Variants in RNF180 observed in about 807,000 individuals in gnomAD.
RNF180 encodes ring finger protein 180, also known as E3 ubiquitin-protein ligase RNF180.
In RNF180, 38 loss-of-function variants were observed where a neutral mutation model predicts 59.2. The ratio of observed to expected loss-of-function variants is 0.64; its 90% CI spans 0.50 to 0.84. The LOEUF (loss-of-function observed/expected upper bound fraction) is 0.84. RNF180 is among the 40% of genes least tolerant of loss of function. The pLI is 0.00. For synonymous variants in RNF180, 262 were observed against 240.3 expected (o/e 1.09, Z -0.84); for missense variants, 705 against 700.9 (o/e 1.01, Z -0.07).
At chr5:64,214,585 A>G in intron 4 of RNF180, 68 bp downstream of exon 4, 2 of 1,358,546 alleles carry the variant, frequency 1.5e-6, no homozygotes, top group Admixed American at 2.1e-5. Context: ...GAGTGGAGCT[A>G]ACTTTCAACA....
intron 1 of RNF180, among the ~76,000 whole-genome samples, chr5:64,189,591 T>C (rs1751036667): frequency 1.3e-5 from 2 of 152,188 alleles, no homozygotes; most frequent in Admixed American, 1.3e-4. Context: ...AAGCGAAGTG[T>C]TGAAGATGTG....
intron 1 of RNF180, among the ~76,000 whole-genome samples, chr5:64,182,928 A>T (rs143852915): frequency 1.1e-3 from 163 of 152,310 alleles, no homozygotes; most frequent in Middle Eastern, 0.01. Flanking sequence ...GGTGATCAAG[A>T]CTGAATATAG....
chr5:64,167,948 T>G (rs1233002870), intron 1 of RNF180, among the ~76,000 whole-genome samples: 1 of 152,196 alleles, frequency 6.6e-6, no homozygotes, highest in African/African-American at 2.4e-5. Flanking sequence ...AGAAAGCAGC[T>G]TTGTAACTTT....
chr5:64,209,038 C>G (rs1752170330), intron 2 of RNF180, among the ~76,000 whole-genome samples: 1 of 151,904 alleles, frequency 6.6e-6, no homozygotes, highest in African/African-American at 2.4e-5. Context: ...AAAGCATACA[C>G]AGGCTAGAGA....
At chr5:64,230,625 C>T (rs1742042664) in intron 5 of RNF180, among the ~76,000 whole-genome samples, 1 of 152,188 alleles carries the variant, frequency 6.6e-6, no homozygotes, top group African/African-American at 2.4e-5. Flanking sequence ...GCCTTAATTC[C>T]ATTTGCAATC....
At chr5:64,211,779 T>A (rs367623496) in intron 2 of RNF180, among the ~76,000 whole-genome samples, 1 of 152,216 alleles carries the variant, frequency 6.6e-6, no homozygotes, top group African/African-American at 2.4e-5. Flanking sequence ...AGACACTAGA[T>A]GTGTTCATTC....
intron 1 of RNF180, among the ~76,000 whole-genome samples, chr5:64,192,913 A>ATATATATATG (rs1751247340): frequency 1.1e-5 from 1 of 89,246 alleles, no homozygotes; most frequent in African/African-American, 6.1e-5. Flanking sequence ...GTATATATAT[A>ATATATATATG]TATATATATA....
intron 7 of RNF180, among the ~76,000 whole-genome samples, chr5:64,351,365 T>C (rs919135309): frequency 2.6e-5 from 4 of 152,156 alleles, no homozygotes. Context: ...ACAATTTGAC[T>C]TCCTCTTTTC....
At position 64,181,383 on chromosome 5, in the gene RNF180, A is replaced by G. The variant is rs184458640; in HGVS notation, c.-1+15430A>G. Among the ~76,000 whole-genome samples, 7 of 152,306 alleles carry G rather than the reference A, an allele frequency of 4.6e-5. No individual in the cohort carries two copies. In the East Asian group the frequency reaches 1.4e-3, roughly 29 times the overall value. On this transcript the variant is annotated intron_variant, in intron 1 of 7. Coordinates refer to ENST00000389100, the MANE Select transcript of RNF180 (RefSeq NM_001113561.2). ...GAAGTTAAAATTTTATCAGTGTTTC[A>G]CTTTGCCATTTTATCCTACTCTGAC...
Position 64,255,613 on chromosome 5 carries a change from G to T in RNF180, c.1227+38217G>T, listed in dbSNP as rs528506196. 2.6e-5 allele frequency among the ~76,000 whole-genome samples: 4 copies of T among 152,228 alleles called. No homozygotes were observed. The East Asian group carries it at 7.7e-4, about 29-fold the overall frequency. ...CCAATCTATCATTGTTGGACATTTGGGTTGGTTCCAAGTCTTTGCTATTGT... is the reference window on the plus strand; with the variant it reads ...CCAATCTATCATTGTTGGACATTTGTGTTGGTTCCAAGTCTTTGCTATTGT... On this transcript the variant is annotated intron_variant, in intron 5 of 7. Transcript: ENST00000389100.
At chr5:64,247,896 C>T (rs545860531) in intron 5 of RNF180, among the ~76,000 whole-genome samples, 2 of 152,074 alleles carry the variant, frequency 1.3e-5, no homozygotes, top group African/African-American at 2.4e-5. Flanking sequence ...GCATGGTACT[C>T]GTACCAAAAC....
intron 5 of RNF180, among the ~76,000 whole-genome samples, chr5:64,253,126 G>A (rs1743693645): frequency 6.6e-6 from 1 of 152,114 alleles, no homozygotes; most frequent in Admixed American, 6.6e-5. Context: ...GAGAAAATCA[G>A]AGCTAAATAA....
chr5:64,325,978 G>T (rs906261426), intron 6 of RNF180, among the ~76,000 whole-genome samples: 3 of 152,082 alleles, frequency 2.0e-5, no homozygotes, highest in East Asian at 3.9e-4. Flanking sequence ...TTAATGAAGA[G>T]ATAATAATGA....
chr5:64,322,138 A>T (rs1744384693), intron 5 of RNF180, among the ~76,000 whole-genome samples: 1 of 152,232 alleles, frequency 6.6e-6, no homozygotes, highest in Admixed American at 6.5e-5. Flanking sequence ...CAATTGCGAC[A>T]AAGGCTAAAA....
Position 64,213,794 on chromosome 5 carries a change from T to C in RNF180, c.468T>C (p.Gly156=). ...ACAAGGAAGCTCTGCTGACAGGTGG[T>C]GGCTCTGAAAACAGAAATCACAGGC... ...GCDKEALLTG[G]GSENRNHRLL... Residue 156 remains glycine, a synonymous_variant, in exon 4 of 8, where the codon GGT becomes GGC. Transcript: ENST00000389100. 1 of 1,614,168 alleles carries C rather than the reference T, an allele frequency of 6.2e-7. No homozygotes were observed. The highest frequency in any genetic ancestry group is 8.5e-7 in the Non-Finnish European group (1 of 1,180,022).
intron 5 of RNF180, among the ~76,000 whole-genome samples, chr5:64,290,551 T>C (rs1391198268): frequency 6.6e-6 from 1 of 152,244 alleles, no homozygotes; most frequent in Non-Finnish European, 1.5e-5. Context: ...TTTATAAATC[T>C]CAGTGTTCCT....
At chr5:64,235,153 C>G (rs1278993186) in intron 5 of RNF180, among the ~76,000 whole-genome samples, 1 of 152,032 alleles carries the variant, frequency 6.6e-6, no homozygotes. Context: ...GCATGTTGGC[C>G]TGCACTGTAG....
intron 7 of RNF180, among the ~76,000 whole-genome samples, chr5:64,364,476 GTA>G (rs1299755444): frequency 2.6e-5 from 4 of 151,904 alleles, no homozygotes; most frequent in Middle Eastern, 3.4e-3. Context: ...CAATTTGCCA[GTA>G]TTATGTTGTG....
At chr5:64,289,849 G>A (rs1580187718) in intron 5 of RNF180, among the ~76,000 whole-genome samples, 1 of 151,600 alleles carries the variant, frequency 6.6e-6, no homozygotes, top group Admixed American at 6.6e-5. Flanking sequence ...TCTTGGATTT[G>A]TTTATTTTTT....
Sources: allele counts gnomAD v4.1 joint callset (sites outside exome capture counted in the v4.1 genomes callset), GRCh38; gene constraint gnomAD v4.1.1; transcripts MANE v1.5; gene names NCBI Gene and HGNC (gene_info 2026-07-23, HGNC 2026-07-21).